HABP2: variants seen among roughly 807,000 people sequenced by gnomAD.
HABP2 encodes the protein hyaluronan binding protein 2, also known as factor VII-activating protease.
HABP2 carries 65 observed loss-of-function variants against 66.5 expected under a neutral mutation model. That is an observed-to-expected ratio of 0.98 (90% confidence interval 0.80 to 1.20). The LOEUF is 1.20. Among genes scored for constraint, HABP2 ranks in the 50% most tolerant of loss-of-function variants. The pLI, the probability that HABP2 is intolerant of heterozygous loss-of-function variation, is 0.00. For synonymous variants in HABP2, 263 were observed against 253.9 expected (o/e 1.04, Z -0.34); for missense variants, 786 against 691.0 (o/e 1.14, Z -1.54).
chr10:113,588,153 C>A, intron 12 of HABP2, 52 bp from the exon 13 acceptor site: 1 of 1,475,170 alleles, frequency 6.8e-7, no homozygotes, highest in East Asian at 2.3e-5. Flanking sequence ...GTGGGGGCAT[C>A]TCCAGATGTC....
Position 113,574,421 on chromosome 10 carries a change from C to G in HABP2, c.223+16C>G. The G allele has an allele frequency of 8.2e-7, 1 of 1,221,686 alleles. No homozygotes were observed. 75.7% of individuals were successfully genotyped at this position (1,221,686 alleles called of 1,614,324 possible). A position where few individuals can be genotyped will look rare whatever the true frequency, so the allele number is the denominator to read the frequency against. On this transcript the variant is annotated intron_variant, in intron 3 of 12. Transcript: ENST00000351270. Reference sequence around the variant, plus strand: ...GACCAAGCTGGTAGGTACCAAATCTCTTTCAGGGACTCTCCTGGGAGAAGG... The same window carrying G: ...GACCAAGCTGGTAGGTACCAAATCTGTTTCAGGGACTCTCCTGGGAGAAGG...
At chr10:113,552,649 G>A (rs1366190564), upstream of HABP2, among the ~76,000 whole-genome samples, 2 of 152,220 alleles carry the variant, frequency 1.3e-5, no homozygotes, top group Admixed American at 6.5e-5. Context: ...AAAGTGTGAT[G>A]TTATTAGGAG....
chr10:113,569,930 C>T (rs1237708547), intron 2 of HABP2: 1 of 152,316 alleles, frequency 6.6e-6, no homozygotes, highest in Non-Finnish European at 1.5e-5. Flanking sequence ...TGGCAAGCTC[C>T]TTAACCAGAG....
At chr10:113,552,943 A>C (rs1844922968), upstream of HABP2, 1 of 563,006 alleles carries the variant, frequency 1.8e-6, no homozygotes, top group African/African-American at 1.9e-5. Context: ...CCATTTGTTT[A>C]ATCAAGATAG....
rs774370304 is a variant in HABP2, at chr10:113,580,600, C to G, written c.746C>G (p.Pro249Arg). ...TGTTTTGTTTTGTATTTTAGAAACCCAGATGCGGACGAAAAGCCCTGGTGC... is the reference window on the plus strand; with the variant it reads ...TGTTTTGTTTTGTATTTTAGAAACCGAGATGCGGACGAAAAGCCCTGGTGC... ...GIGEHNFCRN[P>R]DADEKPWCFI... is the part of the protein sequence containing the mutation. The change falls in exon 8 of 13, where the codon CCA (proline) becomes CGA (arginine). Residue 249 changes from proline to arginine, a missense_variant. Transcript: ENST00000351270. 1 of 1,546,138 alleles carries G rather than the reference C, an allele frequency of 6.5e-7. No individual in the cohort carries two copies. Among genetic ancestry groups the G allele is most frequent in the Non-Finnish European group, 8.9e-7 (1 of 1,118,110 alleles).
At chr10:113,555,684 C>G (rs1000569914) in intron 1 of HABP2, among the ~76,000 whole-genome samples, 3 of 152,144 alleles carry the variant, frequency 2.0e-5, no homozygotes, top group Admixed American at 2.0e-4. Flanking sequence ...CCTTGCTGTT[C>G]TACTCGAGGT....
In HABP2 at chr10:113,574,384, T is replaced by C. The variant is rs770453358; in HGVS notation, c.202T>C (p.Tyr68His). The C allele has an allele frequency of 3.2e-6, 5 of 1,564,378 alleles. No individual in the cohort carries two copies. The highest frequency in any genetic ancestry group is 4.4e-6 in the Non-Finnish European group (5 of 1,134,256). The change falls in exon 3 of 13, where the codon TAC (tyrosine) becomes CAC (histidine). Residue 68 changes from tyrosine to histidine, a missense_variant. Physicochemically the swap from Tyr to His is moderately conservative, Grantham distance 83. Coordinates refer to ENST00000351270, the MANE Select transcript of HABP2 (RefSeq NM_004132.5). ...TACCCACGCTGAGAATCCTGACTGG[T>C]ACTACACTGAGGACCAAGCTGGTAG... Reference protein sequence around the residue: ...TLTHAENPDWYYTEDQADPCQ... With the variant: ...TLTHAENPDWHYTEDQADPCQ...
intron 1 of HABP2, 137 bp downstream of exon 1, chr10:113,553,327 C>G (rs1023434630): frequency 1.5e-6 from 1 of 658,546 alleles, no homozygotes; most frequent in Non-Finnish European, 2.7e-6. Context: ...ACTACAAGAA[C>G]CAATGCAGGC....
chr10:113,578,711 G>A lies in HABP2; in HGVS notation c.653G>A (p.Trp218Ter). The change falls in exon 7 of 13, where the codon TGG becomes TAG. Residue 218 changes from tryptophan (W) to a stop codon, truncating the protein, a stop_gained. Coordinates refer to ENST00000351270, the MANE Select transcript of HABP2 (RefSeq NM_004132.5). LOFTEE classifies it high-confidence loss of function. ...GTCAACCAGCATGCGTGCCTTTACT[G>A]GAACTCCCACCTCCTCTTGCAGGAG... ...RTVNQHACLY[W>*]NSHLLLQENY... 3 of 1,609,948 alleles carry A rather than the reference G, an allele frequency of 1.9e-6. No homozygotes were observed. Among genetic ancestry groups the A allele is most frequent in the Non-Finnish European group, 1.7e-6 (2 of 1,176,336 alleles).
intron 1 of HABP2, among the ~76,000 whole-genome samples, chr10:113,556,662 C>A (rs1277058609): frequency 6.6e-6 from 1 of 151,466 alleles, no homozygotes; most frequent in East Asian, 1.9e-4. Flanking sequence ...TTGCAATGAG[C>A]AGAGAAGGTG....
rs767415703 is a variant in HABP2, at chr10:113,578,102, C to T, written c.525C>T (p.Thr175=). ...CSRHKRRSKF[T]CACPDQFKGK... is the part of the protein sequence containing the mutation. The stretch of plus-strand genomic sequence containing the variant: ...GGCATAAGCGGAGATCCAAGTTCAC[C>T]TGTGCCTGTCCCGACCAGTTCAAGG... Residue 175 remains threonine (T), a synonymous_variant, in exon 6 of 13, where the codon ACC becomes ACT. Transcript: ENST00000351270. The T allele has an allele frequency of 9.3e-6, 15 of 1,614,058 alleles. No homozygotes were observed. In the East Asian group the frequency reaches 2.7e-4, roughly 29 times the overall value.
At chr10:113,586,490 T>C (rs1466070409) in intron 12 of HABP2, among the ~76,000 whole-genome samples, 1 of 81,038 alleles carries the variant, frequency 1.2e-5, no homozygotes. Context: ...GGGGGGGGGG[T>C]GTTTTAGCCC....
At chr10:113,561,559 G>C (rs940964975) in intron 1 of HABP2, among the ~76,000 whole-genome samples, 9 of 152,206 alleles carry the variant, frequency 5.9e-5, no homozygotes, top group Admixed American at 5.2e-4. Flanking sequence ...CTACCACCAG[G>C]CATAGGGTAG....
chr10:113,567,495 C>T lies in HABP2; in HGVS notation c.76C>T (p.Leu26=), dbSNP rs781135760. The change falls in exon 2 of 13, where the codon CTG becomes TTG. Residue 26 remains leucine, a synonymous_variant. Transcript: ENST00000351270. ...GTGTTGTTTTGTTTTTCAGTTCTCCCTGATGTCTTTATTGGAAAGCCTGGA... is the reference window on the plus strand; with the variant it reads ...GTGTTGTTTTGTTTTTCAGTTCTCCTTGATGTCTTTATTGGAAAGCCTGGA... ...LVGKTACGFS[L]MSLLESLDPD... 1.9e-6 allele frequency: 3 copies of T among 1,612,376 alleles called. No individual in the cohort carries two copies. The highest frequency in any genetic ancestry group is 2.5e-6 in the Non-Finnish European group (3 of 1,178,394).
chr10:113,581,139 C>A (rs922514002), intron 8 of HABP2, among the ~76,000 whole-genome samples: 2 of 152,154 alleles, frequency 1.3e-5, no homozygotes, highest in Non-Finnish European at 2.9e-5. Context: ...TGCCCTTCCA[C>A]CCTGACCAGT....
At chr10:113,572,523 T>G in intron 2 of HABP2, 1 of 234,026 alleles carries the variant, frequency 4.3e-6, no homozygotes, top group South Asian at 4.3e-5. Flanking sequence ...GAACAAGAAA[T>G]AACTAAGCAA....
chr10:113,588,112 C>A (rs1267098797), intron 12 of HABP2, 93 bp from the exon 13 acceptor site: 1 of 1,068,558 alleles, frequency 9.4e-7, no homozygotes. Context: ...GGGACTCCAC[C>A]CCATCCCTCC....
chr10:113,570,312 TCAACAC>T (rs1845282024), intron 2 of HABP2, among the ~76,000 whole-genome samples: 1 of 152,256 alleles, frequency 6.6e-6, no homozygotes, highest in Non-Finnish European at 1.5e-5. Context: ...TAGAAAATAC[TCAACAC>T]ATTATAACCT....
intron 1 of HABP2, among the ~76,000 whole-genome samples, chr10:113,563,093 A>C (rs1268495692): frequency 6.6e-6 from 1 of 152,228 alleles, no homozygotes; most frequent in Non-Finnish European, 1.5e-5. Flanking sequence ...AATGTCCGTA[A>C]AATATTTAAC....
Sources: gnomAD v4.1 joint callset for allele counts (sites outside exome capture counted in the v4.1 genomes callset) on GRCh38, gnomAD v4.1.1 for gene constraint, MANE v1.5 for transcripts, NCBI Gene and HGNC (gene_info 2026-07-23, HGNC 2026-07-21) for gene names.